The following CHD7 variants were observed in gnomAD, a reference collection of about 807,000 sequenced individuals.
CHD7 encodes the protein chromodomain helicase DNA binding protein 7, also known as ATP-dependent chromatin remodeler CHD7.
CHD7 carries 24 observed loss-of-function variants against 307.3 expected under a neutral mutation model. The ratio of observed to expected loss-of-function variants is 0.08; its 90% CI spans 0.06 to 0.11. The LOEUF is 0.11. CHD7 is among the 10% of genes least tolerant of loss of function. CHD7 has a pLI of 1.00. For synonymous variants in CHD7, 1,363 were observed against 1,349.9 expected, an observed-to-expected ratio of 1.01 and a Z score of -0.21; for missense variants, 3,106 against 3,727.1, an observed-to-expected ratio of 0.83 and a Z score of 4.34.
At position 60,765,872 on chromosome 8, in the gene CHD7, A is replaced by G. The variant is rs530427446; in HGVS notation, c.1666-15128A>G. ...GATGAGACTAGCAGGAGACTGTGCC[A>G]TGCAGACATGGAATCCTGATGACCA... is the stretch of plus-strand genomic sequence containing the variant. On this transcript the variant is annotated intron_variant, in intron 2 of 37. Coordinates refer to ENST00000423902, the MANE Select transcript of CHD7 (RefSeq NM_017780.4). 4.4e-4 allele frequency among the ~76,000 whole-genome samples: 67 copies of G among 152,372 alleles called. 2 individuals carry two copies. Among genetic ancestry groups the G allele is most frequent in the Admixed American group, 3.9e-3 (60 of 15,310 alleles).
rs908850559 is a variant in CHD7 at position 60,730,752 on chromosome 8, T to A, written c.-174-10507T>A. Among the ~76,000 whole-genome samples, 3 of 151,584 alleles carry A rather than the reference T, an allele frequency of 2.0e-5. No individual in the cohort carries two copies. The South Asian group carries it at 6.3e-4, about 32-fold the overall frequency. ...GCGGGCGCCTGTAATCCCAGCTACT[T>A]GGGAGGCTGAGGCAGGAGAATGGCG... On this transcript the variant is annotated intron_variant, in intron 1 of 37. Transcript: ENST00000423902.
chr8:60,811,503 C>T (rs1812804897), intron 7 of CHD7, among the ~76,000 whole-genome samples: 1 of 152,112 alleles, frequency 6.6e-6, no homozygotes, highest in African/African-American at 2.4e-5. Flanking sequence ...TCATAGGGGT[C>T]CTCCTCATTC....
chr8:60,703,117 A>G (rs752152632), intron 1 of CHD7, among the ~76,000 whole-genome samples: 3 of 152,250 alleles, frequency 2.0e-5, no homozygotes, highest in Non-Finnish European at 2.9e-5. Context: ...CATCTTCTAC[A>G]GAGAATGTAC....
At chr8:60,748,970 AT>A (rs1216748648) in intron 2 of CHD7, among the ~76,000 whole-genome samples, 1,972 of 137,260 alleles carry the variant, frequency 0.014, 33 homozygotes, top group African/African-American at 0.046. Context: ...CAGTGGTACA[AT>A]TTTTTTTTTT....
chr8:60,818,139 A>G (rs1803835601), intron 8 of CHD7, among the ~76,000 whole-genome samples: 1 of 152,130 alleles, frequency 6.6e-6, no homozygotes, highest in African/African-American at 2.4e-5. Context: ...GAAAGTGCAC[A>G]CGCCCCCGTT....
chr8:60,714,427 C>G (rs1048621688), intron 1 of CHD7, among the ~76,000 whole-genome samples: 2 of 70,846 alleles, frequency 2.8e-5, no homozygotes, highest in Non-Finnish European at 7.4e-5. Context: ...CCCCCCCCCC[C>G]GCCCCGCACA....
chr8:60,733,012 A>G (rs929945310), intron 1 of CHD7, among the ~76,000 whole-genome samples: 1 of 152,044 alleles, frequency 6.6e-6, no homozygotes. Flanking sequence ...AGGCAGGAGG[A>G]TTCCCTGAGC....
At chr8:60,848,924 C>T in intron 24 of CHD7, 127 bp from the exon 25 acceptor site, 6 of 786,962 alleles carry the variant, frequency 7.6e-6, no homozygotes. Flanking sequence ...TTCTTTTAAC[C>T]TTGCTGATAC....
chr8:60,845,572 G>A (rs900471864), intron 23 of CHD7, among the ~76,000 whole-genome samples, 163 bp downstream of exon 23: 1 of 152,182 alleles, frequency 6.6e-6, no homozygotes, highest in East Asian at 1.9e-4. Context: ...GGGGGGTCCT[G>A]GAACCATACT....
intron 4 of CHD7, among the ~76,000 whole-genome samples, chr8:60,797,178 AT>A (rs1472060546): frequency 6.6e-6 from 1 of 152,212 alleles, no homozygotes; most frequent in Non-Finnish European, 1.5e-5. Context: ...AAATAATTTA[AT>A]TTTACATTGG....
chr8:60,704,273 G>A (rs1198989285), intron 1 of CHD7, among the ~76,000 whole-genome samples: 1 of 152,034 alleles, frequency 6.6e-6, no homozygotes, highest in Non-Finnish European at 1.5e-5. Context: ...ATGCAGGGGC[G>A]AACACAGTTA....
chr8:60,720,766 A>G (rs1341561761), intron 1 of CHD7, among the ~76,000 whole-genome samples: 1 of 152,184 alleles, frequency 6.6e-6, no homozygotes, highest in Non-Finnish European at 1.5e-5. Flanking sequence ...TTGAGCCTTC[A>G]GTTTCCTTTC....
At chr8:60,773,515 TAAAC>T (rs1255913371) in intron 2 of CHD7, among the ~76,000 whole-genome samples, 1 of 152,232 alleles carries the variant, frequency 6.6e-6, no homozygotes, top group African/African-American at 2.4e-5. Context: ...TGTGTGTAGA[TAAAC>T]AGGCTGTTTC....
chr8:60,719,436 T>G (rs1402864379), intron 1 of CHD7, among the ~76,000 whole-genome samples: 1 of 152,122 alleles, frequency 6.6e-6, no homozygotes, highest in East Asian at 1.9e-4. Flanking sequence ...GGCTCAAAGG[T>G]TTATAAACTT....
chr8:60,835,122 C>G (rs1041833300), intron 15 of CHD7, among the ~76,000 whole-genome samples: 1 of 152,200 alleles, frequency 6.6e-6, no homozygotes, highest in South Asian at 2.1e-4. Flanking sequence ...CAGCTATGTC[C>G]TGATTAACCC....
intron 1 of CHD7, among the ~76,000 whole-genome samples, chr8:60,707,928 T>G (rs1337697586): frequency 6.6e-6 from 1 of 152,202 alleles, no homozygotes; most frequent in Non-Finnish European, 1.5e-5. Context: ...AAATGCCGTG[T>G]ATGTCTGTCA....
intron 1 of CHD7, among the ~76,000 whole-genome samples, chr8:60,706,993 C>T (rs1482880405): frequency 4.6e-5 from 7 of 152,066 alleles, no homozygotes; most frequent in Admixed American, 2.0e-4. Flanking sequence ...CGACAGGCCC[C>T]GGTGTGTGAT....
intron 1 of CHD7, among the ~76,000 whole-genome samples, chr8:60,689,120 A>G (rs1295804811): frequency 2.0e-5 from 3 of 152,298 alleles, no homozygotes; most frequent in Non-Finnish European, 4.4e-5. Context: ...GACAATTTTC[A>G]TTTTATTCTA....
chr8:60,787,937 C>T (rs1179603542), intron 3 of CHD7, among the ~76,000 whole-genome samples: 1 of 151,064 alleles, frequency 6.6e-6, no homozygotes, highest in African/African-American at 2.4e-5. Flanking sequence ...TCTACTGCCT[C>T]AGCCTCCCTA....
Sources: allele counts gnomAD v4.1 joint callset (sites outside exome capture counted in the v4.1 genomes callset), GRCh38; gene constraint gnomAD v4.1.1; transcripts MANE v1.5; gene names NCBI Gene and HGNC (gene_info 2026-07-23, HGNC 2026-07-21).